The following TRDN variants were observed in gnomAD, a reference collection of about 807,000 sequenced individuals.
The protein encoded by TRDN is triadin in skeletal muscle.
A neutral mutation model predicts 149.7 loss-of-function variants in TRDN; 161 were observed. The observed-to-expected ratio is 1.08, with a 90% confidence interval of 0.95 to 1.23. TRDN has a LOEUF of 1.23. Among genes scored for constraint, TRDN ranks in the 50% most tolerant of loss-of-function variants. The pLI is 0.00. For missense variants in TRDN, 896 were observed against 823.5 expected, an observed-to-expected ratio of 1.09 and a Z score of -1.08; for synonymous variants, 294 against 250.5, an observed-to-expected ratio of 1.17 and a Z score of -1.64.
intron 24 of TRDN, among the ~76,000 whole-genome samples, chr6:123,291,862 A>C (rs1778023722): frequency 6.6e-6 from 1 of 152,122 alleles, no homozygotes; most frequent in Non-Finnish European, 1.5e-5. Context: ...TCTCTCCTTC[A>C]GCTTTTTTGT....
At chr6:123,527,467 G>T (rs2114320036) in intron 5 of TRDN, among the ~76,000 whole-genome samples, 1 of 151,996 alleles carries the variant, frequency 6.6e-6, no homozygotes, top group Non-Finnish European at 1.5e-5. Context: ...TTTTAAATAT[G>T]ATTATATTCC....
At chr6:123,448,888 A>G (rs1455249418) in intron 10 of TRDN, among the ~76,000 whole-genome samples, 1 of 152,158 alleles carries the variant, frequency 6.6e-6, no homozygotes, top group Non-Finnish European at 1.5e-5. Flanking sequence ...GATGGTTCAC[A>G]TAACAGGACT....
chr6:123,290,439 G>T (rs1052056148), intron 24 of TRDN, among the ~76,000 whole-genome samples: 1 of 152,100 alleles, frequency 6.6e-6, no homozygotes. Flanking sequence ...AGTTTGAAGA[G>T]AATATTATGT....
chr6:123,388,128 A>G (rs1781976407), intron 14 of TRDN, among the ~76,000 whole-genome samples: 1 of 152,136 alleles, frequency 6.6e-6, no homozygotes, highest in Non-Finnish European at 1.5e-5. Context: ...AAAAACAGAT[A>G]AAAAGCTTAA....
At chr6:123,366,225 G>A in intron 19 of TRDN, 43 bp from the exon 20 acceptor site, 1 of 1,554,770 alleles carries the variant, frequency 6.4e-7, no homozygotes. Context: ...GGATATTAGT[G>A]ATGCCAAATT....
chr6:123,264,634 T>C (rs1209715980), intron 33 of TRDN, among the ~76,000 whole-genome samples: 1 of 151,112 alleles, frequency 6.6e-6, no homozygotes, highest in Non-Finnish European at 1.5e-5. Context: ...GCGAGTAAAA[T>C]GCTGTCAAAT....
chr6:123,295,872 C>T (rs1778173821), intron 24 of TRDN, among the ~76,000 whole-genome samples: 1 of 151,326 alleles, frequency 6.6e-6, no homozygotes, highest in Admixed American at 6.6e-5. Context: ...GACTGAAACA[C>T]GAGAATCGCT....
chr6:123,437,003 A>T (rs1227232825), intron 12 of TRDN, among the ~76,000 whole-genome samples: 1 of 152,156 alleles, frequency 6.6e-6, no homozygotes, highest in Non-Finnish European at 1.5e-5. Flanking sequence ...AAACCATAAT[A>T]CTTGAGATGA....
At chr6:123,335,752 A>T (rs1012755566) in intron 22 of TRDN, among the ~76,000 whole-genome samples, 5 of 152,162 alleles carry the variant, frequency 3.3e-5, no homozygotes, top group African/African-American at 1.2e-4. Context: ...ATGTGGTTCA[A>T]GTATTCCTGT....
chr6:123,540,776 C>T (rs1780795419), intron 4 of TRDN, among the ~76,000 whole-genome samples: 1 of 152,112 alleles, frequency 6.6e-6, no homozygotes, highest in Non-Finnish European at 1.5e-5. Flanking sequence ...CCTCGGCCTC[C>T]CAAAGTGCTA....
At chr6:123,315,640 A>G (rs1046280106) in intron 24 of TRDN, among the ~76,000 whole-genome samples, 1 of 151,956 alleles carries the variant, frequency 6.6e-6, no homozygotes, top group Admixed American at 6.6e-5. Context: ...ACAGAGAGAT[A>G]TAGATATAGA....
intron 14 of TRDN, among the ~76,000 whole-genome samples, chr6:123,385,693 T>A (rs563614640): frequency 6.6e-6 from 1 of 152,264 alleles, no homozygotes; most frequent in South Asian, 2.1e-4. Context: ...CTATTTATAG[T>A]AAAAAATAAA....
chr6:123,312,627 G>C (rs1417808708), intron 24 of TRDN, among the ~76,000 whole-genome samples: 1 of 151,972 alleles, frequency 6.6e-6, no homozygotes, highest in East Asian at 1.9e-4. Context: ...CAACTGCATG[G>C]GGGTTAATGA....
chr6:123,233,588 C>T (rs1369751583), intron 38 of TRDN, among the ~76,000 whole-genome samples: 2 of 152,030 alleles, frequency 1.3e-5, no homozygotes, highest in African/African-American at 4.8e-5. Context: ...TAATAATGAA[C>T]AGTGACAAAC....
chr6:123,619,514 G>A (rs926564431), intron 1 of TRDN, among the ~76,000 whole-genome samples: 5 of 152,106 alleles, frequency 3.3e-5, no homozygotes, highest in Non-Finnish European at 7.4e-5. Context: ...GGATATGTCT[G>A]GTATTTTTAT....
At chr6:123,517,944 T>A (rs2114264443) in intron 5 of TRDN, among the ~76,000 whole-genome samples, 1 of 152,264 alleles carries the variant, frequency 6.6e-6, no homozygotes, top group Non-Finnish European at 1.5e-5. Context: ...ATATTTATTT[T>A]ATTTTTTTAC....
intron 12 of TRDN, among the ~76,000 whole-genome samples, chr6:123,426,342 T>C (rs565517295): frequency 1.6e-4 from 24 of 152,142 alleles, no homozygotes; most frequent in Non-Finnish European, 3.4e-4. Flanking sequence ...GAGAGTGAAC[T>C]ATTAGGATTC....
intron 2 of TRDN, among the ~76,000 whole-genome samples, chr6:123,567,280 A>T (rs2114522691): frequency 6.6e-6 from 1 of 152,308 alleles, no homozygotes; most frequent in East Asian, 1.9e-4. Flanking sequence ...ATGACTCTGG[A>T]TAAATAGCCC....
At chr6:123,248,382 C>T (rs1387462382) in intron 38 of TRDN, among the ~76,000 whole-genome samples, 3 of 151,876 alleles carry the variant, frequency 2.0e-5, no homozygotes, top group Non-Finnish European at 4.4e-5. Context: ...CATGGTGAGA[C>T]CCTGTCTCTA....
Sources: allele counts gnomAD v4.1 joint callset (sites outside exome capture counted in the v4.1 genomes callset), GRCh38; gene constraint gnomAD v4.1.1; transcripts MANE v1.5; gene names NCBI Gene and HGNC (gene_info 2026-07-23, HGNC 2026-07-21).